The following KALRN variants were observed in gnomAD, a reference collection of about 807,000 sequenced individuals.
KALRN encodes kalirin.
KALRN carries 70 observed loss-of-function variants against 353.7 expected under a neutral mutation model. The ratio of observed to expected loss-of-function variants is 0.20; its 90% CI spans 0.16 to 0.24. The LOEUF is 0.24. KALRN is among the 10% of genes least tolerant of loss of function. KALRN has a pLI of 1.00. For synonymous variants in KALRN, 1,391 were observed against 1,434.8 expected (o/e 0.97, Z 0.69); for missense variants, 2,791 against 3,756.7 (o/e 0.74, Z 6.72).
chr3:124,130,355 G>GT (rs546397911), intron 1 of KALRN, among the ~76,000 whole-genome samples: 6 of 152,168 alleles, frequency 3.9e-5, no homozygotes, highest in African/African-American at 1.2e-4. Flanking sequence ...TGGTTAGGTA[G>GT]TTTACTATTT....
chr3:124,368,616 G>A (rs1474294842), intron 10 of KALRN, among the ~76,000 whole-genome samples: 1 of 146,870 alleles, frequency 6.8e-6, no homozygotes, highest in Non-Finnish European at 1.5e-5. Flanking sequence ...CATCCCAGAC[G>A]ATGGGCGGCC....
At chr3:124,276,652 C>A (rs940816091) in intron 5 of KALRN, among the ~76,000 whole-genome samples, 5 of 152,188 alleles carry the variant, frequency 3.3e-5, no homozygotes, top group Admixed American at 2.6e-4. Context: ...TAATTCTTTT[C>A]GGAATGTTCA....
At chr3:124,449,713 C>T (rs529696403) in intron 21 of KALRN, among the ~76,000 whole-genome samples, 2 of 152,302 alleles carry the variant, frequency 1.3e-5, no homozygotes, top group East Asian at 3.9e-4. Context: ...CCCTACTCTC[C>T]TCAACCCCTG....
At chr3:124,064,204 C>T (rs1177123385) in intron 1 of KALRN, among the ~76,000 whole-genome samples, 2 of 151,998 alleles carry the variant, frequency 1.3e-5, no homozygotes, top group Non-Finnish European at 2.9e-5. Flanking sequence ...GCAGTGGGGT[C>T]ACCACTGGAT....
intron 51 of KALRN, among the ~76,000 whole-genome samples, chr3:124,691,816 G>A (rs2061829580): frequency 6.6e-6 from 1 of 152,222 alleles, no homozygotes; most frequent in Non-Finnish European, 1.5e-5. Flanking sequence ...AGGTGATGCA[G>A]TGCTGCTCGT....
intron 36 of KALRN, 55 bp downstream of exon 36, chr3:124,634,008 T>C: frequency 2.1e-6 from 3 of 1,441,262 alleles, no homozygotes; most frequent in South Asian, 1.2e-5. Context: ...CGTGATTTTG[T>C]TTTTTGTGTG....
intron 1 of KALRN, among the ~76,000 whole-genome samples, chr3:124,086,309 T>TTGTGTGTGTGTG (rs59443298): frequency 3.6e-4 from 51 of 141,860 alleles, no homozygotes; most frequent in African/African-American, 4.4e-4. Flanking sequence ...GGTTGTTTTG[T>TTGTGTGTGTGTG]TGTGTGTGTG....
At chr3:124,045,774 A>G (rs1044970935) in intron 1 of KALRN, among the ~76,000 whole-genome samples, 5 of 151,530 alleles carry the variant, frequency 3.3e-5, no homozygotes, top group East Asian at 3.9e-4. Flanking sequence ...TGCCTGATAC[A>G]TAAACAGGTG....
chr3:124,291,883 G>A (rs775300379), intron 5 of KALRN, among the ~76,000 whole-genome samples: 5 of 152,152 alleles, frequency 3.3e-5, no homozygotes, highest in Non-Finnish European at 7.3e-5. Context: ...AACAAGCAGA[G>A]CTTCAAGAGA....
chr3:124,554,748 AG>A (rs2071001532), intron 33 of KALRN, among the ~76,000 whole-genome samples: 1 of 152,236 alleles, frequency 6.6e-6, no homozygotes, highest in South Asian at 2.1e-4. Context: ...TGAGGCACAA[AG>A]GCTGACTCAA....
chr3:124,426,647 A>G (rs1192873600), intron 15 of KALRN, among the ~76,000 whole-genome samples: 2 of 152,234 alleles, frequency 1.3e-5, no homozygotes, highest in Non-Finnish European at 2.9e-5. Flanking sequence ...TCTAAGATAG[A>G]TAGCCCAAAC....
intron 6 of KALRN, among the ~76,000 whole-genome samples, chr3:124,310,467 G>A (rs1442375847): frequency 6.6e-6 from 1 of 152,108 alleles, no homozygotes; most frequent in African/African-American, 2.4e-5. Flanking sequence ...AAATAATGTT[G>A]AAAGAGAACA....
chr3:124,422,018 G>A (rs1434518840), intron 14 of KALRN, among the ~76,000 whole-genome samples: 1 of 152,208 alleles, frequency 6.6e-6, no homozygotes, highest in Non-Finnish European at 1.5e-5. Flanking sequence ...GGGAACACTT[G>A]TCAGTGACTG....
rs1372636988 is a variant in KALRN at position 124,725,245 on chromosome 3, C to T, written c.*5775C>T. The T allele has an allele frequency of 6.6e-6, 1 of 152,158 alleles. No individual in the cohort carries two copies. The highest frequency in any genetic ancestry group is 1.9e-4 in the East Asian group (1 of 5,198). The allele number at this position is 152,158 out of a possible 1,614,324, so 9.4% of individuals were successfully genotyped here. On this transcript the variant is annotated 3_prime_UTR_variant, in exon 60 of 60. Coordinates refer to ENST00000682506, the MANE Select transcript of KALRN (RefSeq NM_001388419.1). ...TTAACAAGACATACATCTTCTCTTA[C>T]TAACTTAAGCCATATCTGTCAACTC...
chr3:124,439,157 TTCTC>T, intron 18 of KALRN, 120 bp downstream of exon 18: 2 of 898,166 alleles, frequency 2.2e-6, no homozygotes, highest in South Asian at 3.6e-5. Flanking sequence ...TTCTCTCTCT[TTCTC>T]TTTCTCCTCC....
intron 47 of KALRN, 124 bp downstream of exon 47, chr3:124,667,307 T>C: frequency 1.2e-6 from 1 of 819,300 alleles, no homozygotes; most frequent in Non-Finnish European, 1.8e-6. Context: ...ACTCCAACTT[T>C]GTAGTTTTCA....
chr3:124,328,228 G>T (rs1257596248), intron 7 of KALRN, among the ~76,000 whole-genome samples: 1 of 152,144 alleles, frequency 6.6e-6, no homozygotes, highest in East Asian at 1.9e-4. Flanking sequence ...GTTGTTGGTG[G>T]TAGTGACTGA....
At chr3:124,121,656 G>T (rs2064039463) in intron 1 of KALRN, among the ~76,000 whole-genome samples, 1 of 152,214 alleles carries the variant, frequency 6.6e-6, no homozygotes. Context: ...AAGAAGTGGT[G>T]ATTTATTTCT....
At chr3:124,047,238 C>A (rs2040562946) in intron 1 of KALRN, among the ~76,000 whole-genome samples, 1 of 152,060 alleles carries the variant, frequency 6.6e-6, no homozygotes, top group Admixed American at 6.6e-5. Flanking sequence ...CTGCCATGTG[C>A]CTAGTATTAT....
Sources: allele counts gnomAD v4.1 joint callset (sites outside exome capture counted in the v4.1 genomes callset), GRCh38; gene constraint gnomAD v4.1.1; transcripts MANE v1.5; gene names NCBI Gene and HGNC (gene_info 2026-07-23, HGNC 2026-07-21).